Variants in MYO18B observed in about 807,000 individuals in gnomAD.
MYO18B encodes unconventional myosin-XVIIIb.
A neutral mutation model predicts 273.0 loss-of-function variants in MYO18B; 204 were observed. The observed-to-expected ratio is 0.75, with a 90% CI of 0.67 to 0.84. MYO18B has a LOEUF of 0.84. Ranked by LOEUF, MYO18B falls within the 40% of genes least tolerant of loss-of-function variation. The probability of loss-of-function intolerance (pLI) is 0.00; values close to 1 mark genes in which losing one functional copy is unlikely to be tolerated. For missense variants in MYO18B, 3,212 were observed against 3,287.6 expected, an observed-to-expected ratio of 0.98 and a Z score of 0.56; for synonymous variants, 1,330 against 1,305.7, an observed-to-expected ratio of 1.02 and a Z score of -0.40.
At position 25,843,769 on chromosome 22, in the gene MYO18B, C is replaced by T. The variant is rs2090153588; in HGVS notation, c.3243C>T (p.Leu1081=). ...CCCTGCGGACCTGTGAGCAGCCCCT[C>T]CAGTGTGAGATTTTCCACCAGTTGG... ...SSALRTCEQP[L]QCEIFHQLGW... The change falls in exon 18 of 44, where the codon CTC becomes CTT. Residue 1081 remains leucine, a synonymous_variant. Coordinates refer to ENST00000335473, the MANE Select transcript of MYO18B (RefSeq NM_032608.7). 1 of 1,613,918 alleles carries T rather than the reference C, an allele frequency of 6.2e-7. No individual in the cohort carries two copies. The highest frequency in any genetic ancestry group is 1.6e-4 in the Middle Eastern group (1 of 6,062).
At position 25,950,550 on chromosome 22, in the gene MYO18B, G is replaced by GTGTGTGTGTGTGTGTGTGTGTA. The variant is rs539614518; in HGVS notation, c.5832+101_5832+102insGTGTGTGTGTGTGTGTGTGTAT. ...TGTGTGTGTGTGTGTGTGTGTGTGT[G>GTGTGTGTGTGTGTGTGTGTGTA]TATGAGTTTATTGTTTGTTTATTTG... On this transcript the variant is annotated intron_variant, in intron 37 of 43. Coordinates refer to ENST00000335473, the MANE Select transcript of MYO18B (RefSeq NM_032608.7). 8.1e-6 allele frequency: 6 copies of GTGTGTGTGTGTGTGTGTGTGTA among 740,624 alleles called. No individual in the cohort carries two copies. In the East Asian group the frequency reaches 1.5e-4, roughly 18 times the overall value. 45.9% of individuals were successfully genotyped at this position (740,624 alleles called of 1,614,324 possible).
chr22:25,846,381 C>T, intron 19 of MYO18B, 98 bp downstream of exon 19: 1 of 1,333,562 alleles, frequency 7.5e-7, no homozygotes, highest in Non-Finnish European at 1.0e-6. Flanking sequence ...TCTAACCTCC[C>T]CAGCAAGGCC....
chr22:25,897,823 G>T (rs1264926796), intron 28 of MYO18B: 2 of 154,126 alleles, frequency 1.3e-5, no homozygotes, highest in Non-Finnish European at 2.9e-5. Flanking sequence ...TGTGCATTCT[G>T]GTATTAATTC....
At chr22:25,760,879 C>A (rs2086289414) in intron 1 of MYO18B, 105 bp from the exon 2 acceptor site, 2 of 606,432 alleles carry the variant, frequency 3.3e-6, no homozygotes, top group African/African-American at 3.7e-5. Context: ...GTGCCCATTC[C>A]CCCATGTGGT....
intron 1 of MYO18B, among the ~76,000 whole-genome samples, chr22:25,747,294 A>C (rs983041006): frequency 2.6e-5 from 4 of 152,232 alleles, no homozygotes; most frequent in Admixed American, 2.6e-4. Context: ...TTCCATCCCT[A>C]GCCATTCCTA....
the MYO18B span, among the ~76,000 whole-genome samples, chr22:26,060,910 CAT>C: frequency 6.6e-6 from 1 of 152,042 alleles, no homozygotes; most frequent in South Asian, 2.1e-4. Flanking sequence ...TATACACAAA[CAT>C]ACATATACAC....
At chr22:26,031,661 C>T (rs1936670125), downstream of MYO18B, among the ~76,000 whole-genome samples, 1 of 152,168 alleles carries the variant, frequency 6.6e-6, no homozygotes. Context: ...CCCATAATAA[C>T]TGGTAAGGTC....
At chr22:25,889,906 A>G (rs1371739175) in intron 25 of MYO18B, among the ~76,000 whole-genome samples, 3 of 152,132 alleles carry the variant, frequency 2.0e-5, no homozygotes, top group Non-Finnish European at 4.4e-5. Flanking sequence ...TCTTTCTTAA[A>G]CCACGCTCCT....
intron 8 of MYO18B, 139 bp from the exon 9 acceptor site, chr22:25,779,917 T>C: frequency 9.2e-7 from 1 of 1,090,342 alleles, no homozygotes; most frequent in Non-Finnish European, 1.3e-6. Flanking sequence ...GGCAGGAAGC[T>C]CACAGGAAGC....
At chr22:25,956,644 C>T (rs577562600) in intron 39 of MYO18B, among the ~76,000 whole-genome samples, 11 of 152,296 alleles carry the variant, frequency 7.2e-5, no homozygotes, top group South Asian at 6.2e-4. Flanking sequence ...TTTTTCTCCA[C>T]GGGGCCAGAT....
At chr22:25,751,184 G>A (rs2085920692) in intron 1 of MYO18B, among the ~76,000 whole-genome samples, 1 of 152,312 alleles carries the variant, frequency 6.6e-6, no homozygotes, top group African/African-American at 2.4e-5. Flanking sequence ...CCATAGCCCT[G>A]ATTTTGTCGT....
intron 42 of MYO18B, among the ~76,000 whole-genome samples, chr22:26,009,419 C>A (rs1271471462): frequency 6.6e-6 from 1 of 152,188 alleles, no homozygotes; most frequent in Non-Finnish European, 1.5e-5. Flanking sequence ...TGTCCTCATC[C>A]ATCACCTTGC....
In MYO18B at chr22:25,950,536, G is replaced by A. The variant is rs1275585342; in HGVS notation, c.5832+86G>A. ...TAATAGGATGTGTGTGTGTGTGTGT[G>A]TGTGTGTGTGTGTGTATGAGTTTAT... On this transcript the variant is annotated intron_variant, in intron 37 of 43. Transcript: ENST00000335473. The A allele has an allele frequency of 1.7e-5, 12 of 700,546 alleles. 1 individual carries two copies. In the South Asian group the frequency reaches 1.8e-4, roughly 11 times the overall value. 43.4% of individuals were successfully genotyped at this position (700,546 alleles called of 1,614,324 possible). A position where few individuals can be genotyped will look rare whatever the true frequency, so the allele number is the denominator to read the frequency against.
At chr22:25,790,828 G>A (rs1461481385) in intron 11 of MYO18B, among the ~76,000 whole-genome samples, 1 of 152,144 alleles carries the variant, frequency 6.6e-6, no homozygotes, top group Non-Finnish European at 1.5e-5. Context: ...AGCTGGGGCA[G>A]TTGCTGGGAA....
intron 21 of MYO18B, among the ~76,000 whole-genome samples, chr22:25,854,141 A>C (rs1364033336): frequency 6.6e-6 from 1 of 152,152 alleles, no homozygotes; most frequent in Admixed American, 6.5e-5. Context: ...GGTCTTGGTG[A>C]AGTCCCCTGT....
the MYO18B span, among the ~76,000 whole-genome samples, chr22:26,063,071 A>G: frequency 1.3e-5 from 2 of 152,174 alleles, no homozygotes; most frequent in Non-Finnish European, 2.9e-5. Flanking sequence ...ATGTGCCCTA[A>G]ATTTCCATCT....
downstream of MYO18B, among the ~76,000 whole-genome samples, chr22:26,032,415 G>A (rs1936686874): frequency 6.6e-6 from 1 of 151,948 alleles, no homozygotes; most frequent in African/African-American, 2.4e-5. Context: ...TCTTCTGTGT[G>A]GCTGCACCTC....
At chr22:25,982,079 A>G (rs1268040391) in intron 39 of MYO18B, among the ~76,000 whole-genome samples, 2 of 152,192 alleles carry the variant, frequency 1.3e-5, no homozygotes, top group Admixed American at 6.5e-5. Context: ...GGGAGGTGCT[A>G]CCAGATCTTA....
chr22:25,853,361 G>A (rs1202802333), intron 21 of MYO18B, among the ~76,000 whole-genome samples: 2 of 152,206 alleles, frequency 1.3e-5, no homozygotes, highest in Non-Finnish European at 1.5e-5. Context: ...CAGGGCACAG[G>A]CCACTTTCAG....
Sources: gnomAD v4.1 joint callset for allele counts (sites outside exome capture counted in the v4.1 genomes callset) on GRCh38, gnomAD v4.1.1 for gene constraint, MANE v1.5 for transcripts, NCBI Gene and HGNC (gene_info 2026-07-23, HGNC 2026-07-21) for gene names.